Variants in KCNAB2 observed in about 807,000 individuals in gnomAD.
KCNAB2 encodes voltage-gated potassium channel subunit beta-2.
Under a neutral mutation model 63.6 loss-of-function variants are expected in KCNAB2, and 29 were observed. The observed-to-expected ratio is 0.46, with a 90% CI of 0.34 to 0.62. The LOEUF (loss-of-function observed/expected upper bound fraction) is 0.62, where lower values mean the gene tolerates loss of function less well. Among genes scored for constraint, KCNAB2 ranks in the 20% least tolerant of loss-of-function variants. The probability of loss-of-function intolerance (pLI) is 0.01; values close to 1 mark genes in which losing one functional copy is unlikely to be tolerated. For missense variants in KCNAB2, 359 were observed against 563.9 expected (o/e 0.64, Z 3.68); for synonymous variants, 222 against 224.2 (o/e 0.99, Z 0.09).
At chr1:6,010,146 G>T (rs1658072560) in intron 1 of KCNAB2, among the ~76,000 whole-genome samples, 2 of 152,130 alleles carry the variant, frequency 1.3e-5, no homozygotes, top group African/African-American at 4.8e-5. Flanking sequence ...CAAAGTGCTG[G>T]CATTACAGGT....
At chr1:6,039,823 A>G (rs3761921) in intron 1 of KCNAB2, among the ~76,000 whole-genome samples, 74,913 of 152,092 alleles carry the variant, frequency 0.49, 19,079 homozygotes, top group African/African-American at 0.61. Flanking sequence ...TCCTGCCCCA[A>G]GGGCCTCTCC....
chr1:6,096,656 CAAG>C lies in KCNAB2; in HGVS notation c.971_973del (p.Lys324del). ...ACCAGGGCTACCAGTGGCTGAAGGACAAGATCCTCAGTGAGGAGGGCCGGCGCC... is the reference window on the plus strand; with the variant it reads ...ACCAGGGCTACCAGTGGCTGAAGGACATCCTCAGTGAGGAGGGCCGGCGCC... On this transcript the variant is annotated inframe_deletion, in exon 14 of 16. Coordinates refer to ENST00000378083, the MANE Select transcript of KCNAB2 (RefSeq NM_001199862.2). This position sits in a 1 kb window ranked among gnomAD's most constrained non-coding sequence, Gnocchi z 5.9. 1 of 1,610,536 alleles carries C rather than the reference CAAG, an allele frequency of 6.2e-7. No individual in the cohort carries two copies. Among genetic ancestry groups the C allele is most frequent in the Non-Finnish European group, 8.5e-7 (1 of 1,179,190 alleles).
upstream of KCNAB2, among the ~76,000 whole-genome samples, chr1:6,043,356 T>G (rs1306978178): frequency 6.6e-6 from 1 of 152,114 alleles, no homozygotes; most frequent in East Asian, 1.9e-4. Context: ...AGTGACCAAG[T>G]GAGAGCCTTC....
At chr1:6,020,267 C>T (rs951678056) in intron 1 of KCNAB2, among the ~76,000 whole-genome samples, 1 of 152,184 alleles carries the variant, frequency 6.6e-6, no homozygotes, top group Non-Finnish European at 1.5e-5. Flanking sequence ...AGGAGAACCA[C>T]TGTGAGGTCC....
At chr1:6,052,337 A>T (rs1266318964) in intron 2 of KCNAB2, among the ~76,000 whole-genome samples, 1 of 151,772 alleles carries the variant, frequency 6.6e-6, no homozygotes, top group Non-Finnish European at 1.5e-5. Context: ...AGGTGGGAGG[A>T]TTACCTGAGC....
rs997070568 is a variant in KCNAB2 at position 5,994,505 on chromosome 1, C to A, written c.-53+1717C>A. On this transcript the variant is annotated intron_variant, in intron 1 of 16. Transcript: ENST00000341524. This position sits in a 1 kb window ranked among gnomAD's most constrained non-coding sequence, Gnocchi z 5.4. The stretch of plus-strand genomic sequence containing the variant: ...TCCCTCGAGAGCAGCATGGTAGGGG[C>A]TTCCCTGTTGACACCCAGGGCCATT... Among the ~76,000 whole-genome samples the A allele has an allele frequency of 6.6e-6, 1 of 152,204 alleles. No individual in the cohort carries two copies. Among genetic ancestry groups the A allele is most frequent in the Non-Finnish European group, 1.5e-5 (1 of 68,032 alleles).
intron 2 of KCNAB2, among the ~76,000 whole-genome samples, chr1:6,067,562 G>T (rs1369029166): frequency 6.6e-6 from 1 of 152,188 alleles, no homozygotes; most frequent in East Asian, 1.9e-4. Flanking sequence ...GACTCTGGGG[G>T]TCCTGCATCC....
rs752627298 is a variant in KCNAB2 at position 6,078,452 on chromosome 1, G to A, written c.301-3743G>A. ...TAGAAAAAGGAGGGCAGGGGGGCGG[G>A]GGTCCTGACGACAGGGTGGTCAGGA... On this transcript the variant is annotated intron_variant, in intron 4 of 15. Transcript: ENST00000378083. The surrounding 1 kb of genome is among the most constrained non-coding windows in gnomAD (Gnocchi z 4.2). Among the ~76,000 whole-genome samples the A allele has an allele frequency of 7.2e-5, 11 of 152,108 alleles. No individual in the cohort carries two copies. The highest frequency in any genetic ancestry group is 1.5e-4 in the Non-Finnish European group (10 of 68,018).
intron 4 of KCNAB2, among the ~76,000 whole-genome samples, chr1:6,077,749 CAGGCTTGCGG>C (rs986979852): frequency 7.2e-5 from 11 of 152,192 alleles, no homozygotes; most frequent in African/African-American, 2.7e-4. Flanking sequence ...GGCCCCGCCT[CAGGCTTGCGG>C]AGCCCCTGCC....
intron 1 of KCNAB2, among the ~76,000 whole-genome samples, chr1:6,039,548 C>G (rs552185639): frequency 1.1e-4 from 16 of 152,202 alleles, no homozygotes; most frequent in Non-Finnish European, 2.1e-4. Context: ...CAGCTCATCA[C>G]AAACCCTGCA....
Position 6,099,972 on chromosome 1 carries a change from C to A in KCNAB2, c.*1398C>A. The A allele has an allele frequency of 6.5e-7, 1 of 1,549,504 alleles. No homozygotes were observed. The highest frequency in any genetic ancestry group is 8.7e-7 in the Non-Finnish European group (1 of 1,146,464). On this transcript the variant is annotated 3_prime_UTR_variant, in exon 16 of 16. Coordinates refer to ENST00000378083, the MANE Select transcript of KCNAB2 (RefSeq NM_001199862.2). The stretch of plus-strand genomic sequence containing the variant: ...AGCAGTACCCAGGCTTTGCAGACCA[C>A]GCGGGGCAGGGCTCCACTGAAGCCA...
At position 6,073,168 on chromosome 1, in the gene KCNAB2, G is replaced by A. The variant is rs1009204329; in HGVS notation, c.262+370G>A. Among the ~76,000 whole-genome samples the A allele has an allele frequency of 2.6e-5, 4 of 152,060 alleles. No individual in the cohort carries two copies. Among genetic ancestry groups the A allele is most frequent in the South Asian group, 2.1e-4 (1 of 4,822 alleles). On this transcript the variant is annotated intron_variant, in intron 3 of 15. Transcript: ENST00000378083. This position sits in a 1 kb window ranked among gnomAD's most constrained non-coding sequence, Gnocchi z 5.7. ...TCAGCTCGTGAGTCCCTCCTGGAGC[G>A]CCATTGGATTTGGCCCTTTTTCCTC...
At chr1:6,042,008 C>T (rs767397379), upstream of KCNAB2, 5 of 743,642 alleles carry the variant, frequency 6.7e-6, no homozygotes, top group African/African-American at 3.5e-5. Flanking sequence ...AGGCTCTGCT[C>T]ATCACCCTCT....
In KCNAB2 at chr1:6,035,383, T is replaced by A. The variant is rs1235782308; in HGVS notation, c.-53+589T>A. On this transcript the variant is annotated intron_variant, in intron 1 of 15. Transcript: ENST00000164247. This position sits in a 1 kb window ranked among gnomAD's most constrained non-coding sequence, Gnocchi z 5.0. The stretch of plus-strand genomic sequence containing the variant: ...GACTTATGTTCTGGGAGGATCACCC[T>A]GGCCGCGTAGAGTCTGCCGGCGGGG... Among the ~76,000 whole-genome samples, 1 of 152,122 alleles carries A rather than the reference T, an allele frequency of 6.6e-6. No individual in the cohort carries two copies. The highest frequency in any genetic ancestry group is 1.5e-5 in the Non-Finnish European group (1 of 68,022).
At chr1:6,036,779 G>A (rs901389245) in intron 1 of KCNAB2, among the ~76,000 whole-genome samples, 1 of 144,946 alleles carries the variant, frequency 6.9e-6, no homozygotes, top group Non-Finnish European at 1.5e-5. Context: ...AGGGGTCTGG[G>A]AAGCAGCAGT....
At chr1:6,031,711 G>T (rs1292354503), upstream of KCNAB2, among the ~76,000 whole-genome samples, 3 of 126,298 alleles carry the variant, frequency 2.4e-5, no homozygotes, top group African/African-American at 8.7e-5. The surrounding 1 kb of genome is among the most constrained non-coding windows in gnomAD (Gnocchi z 4.1). Context: ...GCAGAGTAAG[G>T]CCTCATCTCT....
chr1:6,076,247 A>G (rs1663648699), intron 4 of KCNAB2, among the ~76,000 whole-genome samples: 1 of 152,250 alleles, frequency 6.6e-6, no homozygotes, highest in Non-Finnish European at 1.5e-5. Context: ...TGAGGCAGGA[A>G]TGACAGCCAC....
At chr1:5,996,315 G>C (rs1412049402) in intron 1 of KCNAB2, among the ~76,000 whole-genome samples, 1 of 152,174 alleles carries the variant, frequency 6.6e-6, no homozygotes. Context: ...CTTGTCCTCT[G>C]CCACATCCTG....
At chr1:6,008,313 G>C (rs1394160545) in intron 1 of KCNAB2, among the ~76,000 whole-genome samples, 1 of 152,044 alleles carries the variant, frequency 6.6e-6, no homozygotes, top group African/African-American at 2.4e-5. Flanking sequence ...TCGTTCCTCT[G>C]TTCATCCTCT....
Sources: gnomAD v4.1 joint callset for allele counts (sites outside exome capture counted in the v4.1 genomes callset) on GRCh38, gnomAD v4.1.1 for gene constraint, Gnocchi (gnomAD v3.1) non-coding constraint, MANE v1.5 for transcripts, NCBI Gene and HGNC (gene_info 2026-07-23, HGNC 2026-07-21) for gene names.